SNRPN: variants seen among roughly 807,000 people sequenced by gnomAD.
SNRPN encodes small nuclear ribonucleoprotein-associated protein N.
A neutral mutation model predicts 25.2 loss-of-function variants in SNRPN; 7 were observed. The observed-to-expected ratio is 0.28, with a 90% CI of 0.16 to 0.52. The LOEUF is 0.52. Among genes scored for constraint, SNRPN ranks in the 20% least tolerant of loss-of-function variants. The pLI is 0.96. For missense variants in SNRPN, 196 were observed against 322.5 expected, an observed-to-expected ratio of 0.61 and a Z score of 3.00; for synonymous variants, 124 against 110.6, an observed-to-expected ratio of 1.12 and a Z score of -0.76.
intron 2 of SNRPN, among the ~76,000 whole-genome samples, chr15:24,838,104 G>A (rs2051378705): frequency 3.4e-5 from 5 of 148,956 alleles, no homozygotes; most frequent in African/African-American, 7.5e-5. Context: ...GTCCAATCTC[G>A]GCTCGCTGCA....
At chr15:24,898,655 A>C (rs1371192871) in intron 2 of SNRPN, among the ~76,000 whole-genome samples, 1 of 152,158 alleles carries the variant, frequency 6.6e-6, no homozygotes, top group Non-Finnish European at 1.5e-5. Context: ...ATGACAAAAG[A>C]AGCTCAGAGT....
chr15:24,888,580 A>G (rs2057386895), intron 2 of SNRPN, among the ~76,000 whole-genome samples: 1 of 152,190 alleles, frequency 6.6e-6, no homozygotes, highest in African/African-American at 2.4e-5. Context: ...TCACATCTTA[A>G]CAAAATAGGA....
At chr15:24,967,841 T>C (rs1311834225) in intron 2 of SNRPN, 91 bp from the exon 3 acceptor site, 1 of 1,036,504 alleles carries the variant, frequency 9.6e-7, no homozygotes, top group Non-Finnish European at 1.5e-6. Flanking sequence ...AATATCTTCT[T>C]AAATGTAAGG....
At chr15:24,868,943 C>T (rs1027264753) in intron 1 of SNRPN, among the ~76,000 whole-genome samples, 1 of 152,122 alleles carries the variant, frequency 6.6e-6, no homozygotes, top group Non-Finnish European at 1.5e-5. Flanking sequence ...TCCAGACTAG[C>T]CTAGGCAACA....
At chr15:24,949,039 T>TTTTG (rs2062061662) in intron 3 of SNRPN, among the ~76,000 whole-genome samples, 1 of 120,134 alleles carries the variant, frequency 8.3e-6, no homozygotes, top group Non-Finnish European at 1.7e-5. Context: ...TTTTTTTTTT[T>TTTTG]GAGATAGAGT....
At chr15:24,931,129 A>G (rs754328999) in intron 3 of SNRPN, among the ~76,000 whole-genome samples, 92 of 152,300 alleles carry the variant, frequency 6.0e-4, no homozygotes, top group Admixed American at 1.6e-3. Flanking sequence ...GCTAACTTTT[A>G]AAAAAGTCAT....
chr15:24,964,100 T>C (rs1019437476), intron 2 of SNRPN, among the ~76,000 whole-genome samples: 2 of 152,060 alleles, frequency 1.3e-5, no homozygotes, highest in Non-Finnish European at 2.9e-5. Context: ...AAAGATTTTT[T>C]TTTTATTTTT....
chr15:24,831,567 G>A (rs1009256690), intron 2 of SNRPN, among the ~76,000 whole-genome samples: 1 of 151,806 alleles, frequency 6.6e-6, no homozygotes, highest in African/African-American at 2.4e-5. Context: ...ACAATCTCTT[G>A]ATCTTTTTCT....
upstream of SNRPN, among the ~76,000 whole-genome samples, chr15:24,853,454 C>T (rs905716921): frequency 5.3e-5 from 8 of 151,538 alleles, no homozygotes; most frequent in Admixed American, 2.0e-4. Context: ...AGTGCAGTGA[C>T]GCGATCTCGG....
intron 6 of SNRPN, 44 bp downstream of exon 6, chr15:24,976,460 CATCAT>C: frequency 7.8e-7 from 1 of 1,278,646 alleles, no homozygotes; most frequent in South Asian, 1.2e-5. Flanking sequence ...TTTGCAGGGA[CATCAT>C]ATTATGTGAG....
chr15:24,965,871 AT>A (rs5811370), intron 2 of SNRPN, among the ~76,000 whole-genome samples: 20,463 of 151,290 alleles, frequency 0.14, 2,469 homozygotes, highest in African/African-American at 0.33. Flanking sequence ...CATTATATAT[AT>A]TTTTTTTTAC....
chr15:24,832,118 C>A (rs1395395199), intron 2 of SNRPN, among the ~76,000 whole-genome samples: 2 of 151,854 alleles, frequency 1.3e-5, no homozygotes, highest in Non-Finnish European at 2.9e-5. Flanking sequence ...TACATTCCCA[C>A]CGACAGTACA....
At chr15:24,879,839 T>C (rs913258661) in intron 1 of SNRPN, among the ~76,000 whole-genome samples, 1 of 152,226 alleles carries the variant, frequency 6.6e-6, no homozygotes, top group African/African-American at 2.4e-5. Context: ...ACCAAAATTA[T>C]ATACTCTCTA....
intron 1 of SNRPN, among the ~76,000 whole-genome samples, chr15:24,867,430 AGTGGT>A (rs2054674418): frequency 1.3e-5 from 2 of 150,984 alleles, no homozygotes; most frequent in Admixed American, 1.3e-4. Flanking sequence ...GCTGGAGTGC[AGTGGT>A]GTGATCTCGG....
chr15:24,823,745 T>C (rs1049679793), exon 1 of SNRPN: 7 of 152,200 alleles, frequency 4.6e-5, no homozygotes, highest in African/African-American at 1.7e-4. Context: ...TCTGGGGCTA[T>C]TTGAGGAATG....
At chr15:24,891,384 T>C (rs2057656749) in intron 2 of SNRPN, among the ~76,000 whole-genome samples, 1 of 152,136 alleles carries the variant, frequency 6.6e-6, no homozygotes, top group Non-Finnish European at 1.5e-5. Flanking sequence ...AATTAAATCC[T>C]CTTTTAAGGA....
intron 2 of SNRPN, among the ~76,000 whole-genome samples, chr15:24,903,788 C>A (rs1322110241): frequency 6.6e-6 from 1 of 152,162 alleles, no homozygotes. Context: ...AATCCCATCA[C>A]TTTGGAGGCA....
At chr15:24,950,530 A>G (rs1004260196), upstream of SNRPN, among the ~76,000 whole-genome samples, 2 of 144,706 alleles carry the variant, frequency 1.4e-5, no homozygotes, top group African/African-American at 2.5e-5. Context: ...TTGCATTAAG[A>G]TATGTTCTCA....
chr15:24,853,604 AG>A (rs1186053700), upstream of SNRPN, among the ~76,000 whole-genome samples: 8 of 152,252 alleles, frequency 5.3e-5, no homozygotes, highest in African/African-American at 1.9e-4. Context: ...CGTGTTAGCC[AG>A]GCTGGTCTCA....
Sources: gnomAD v4.1 joint callset for allele counts (sites outside exome capture counted in the v4.1 genomes callset) on GRCh38, gnomAD v4.1.1 for gene constraint, MANE v1.5 for transcripts, NCBI Gene and HGNC (gene_info 2026-07-23, HGNC 2026-07-21) for gene names.